GABRE: variants seen among roughly 807,000 people sequenced by gnomAD.
GABRE encodes gamma-aminobutyric acid type A receptor subunit epsilon.
In GABRE, 20 loss-of-function variants were observed where a neutral mutation model predicts 31.0. The observed-to-expected ratio is 0.64, with a 90% CI of 0.45 to 0.94. GABRE has a LOEUF of 0.94. Ranked by LOEUF, GABRE falls within the 40% of genes least tolerant of loss-of-function variation. The probability of loss-of-function intolerance (pLI) is 0.00; values close to 1 mark genes in which losing one functional copy is unlikely to be tolerated. For missense variants in GABRE, 420 were observed against 410.7 expected (o/e 1.02, Z -0.20); for synonymous variants, 155 against 150.6 (o/e 1.03, Z -0.21).
chrX:151,964,143 T>A (rs976594224), intron 3 of GABRE, among the ~76,000 whole-genome samples: 2 of 112,108 alleles, frequency 1.8e-5, no homozygotes, highest in African/African-American at 6.5e-5. Flanking sequence ...TAGAATTGTT[T>A]CCATTTATAA....
intron 6 of GABRE, chrX:151,956,649 C>T (rs1036224170): frequency 8.9e-6 from 1 of 112,172 alleles, no homozygotes; most frequent in African/African-American, 3.2e-5. Flanking sequence ...TGACCCCTAA[C>T]CCAAACTGAG....
intron 3 of GABRE, among the ~76,000 whole-genome samples, chrX:151,963,725 C>T (rs1298010023): frequency 8.9e-6 from 1 of 112,466 alleles, no homozygotes; most frequent in Non-Finnish European, 1.9e-5. Flanking sequence ...ATGAACACAA[C>T]AATGGGATAG....
intron 6 of GABRE, 159 bp from the exon 7 acceptor site, chrX:151,956,019 C>G: frequency 1.9e-6 from 1 of 515,548 alleles, no homozygotes; most frequent in Non-Finnish European, 3.1e-6. Context: ...CCAGAAGAAG[C>G]CCAGAAAAAA....
chrX:151,957,566 C>T (rs762184417), intron 6 of GABRE: 283 of 290,705 alleles, frequency 9.7e-4, no homozygotes, highest in Non-Finnish European at 1.5e-3. Flanking sequence ...TCTTGTTGCA[C>T]GAAGATTTAT....
chrX:151,974,580 G>T lies in GABRE; in HGVS notation c.46C>A (p.Leu16Ile). 1 of 1,175,946 alleles carries T rather than the reference G, an allele frequency of 8.5e-7. No homozygotes were observed. The highest frequency in any genetic ancestry group is 1.9e-5 in the South Asian group (1 of 52,673). ...LPVLLGILLI[L>I]QSRVEGPQTE... ...GGGATGGAGACTCACCTCGACTGGAGGATCAATAAGATGCCTAGGAGGACT... is the reference window on the plus strand; with the variant it reads ...GGGATGGAGACTCACCTCGACTGGATGATCAATAAGATGCCTAGGAGGACT... The change falls in exon 1 of 9, where the codon CTC becomes ATC. Residue 16 changes from leucine (L) to isoleucine (I), a missense_variant. Coordinates refer to ENST00000370328, the MANE Select transcript of GABRE (RefSeq NM_004961.4).
Position 151,954,744 on chromosome X carries a change from A to G in GABRE, c.1478T>C (p.Phe493Ser). The stretch of plus-strand genomic sequence containing the variant: ...AAGCCAGTAGAGCACATTGAAGAAG[A>G]AGAAAGTCACTGGGAAAACAACTCT... ...YSRVVFPVTF[F>S]FFNVLYWLVC... The change falls in exon 9 of 9, where the codon TTC (phenylalanine) becomes TCC (serine). Residue 493 changes from phenylalanine to serine, a missense_variant. Transcript: ENST00000370328. The G allele has an allele frequency of 8.3e-7, 1 of 1,210,051 alleles. No individual in the cohort carries two copies. Among genetic ancestry groups the G allele is most frequent in the Non-Finnish European group, 1.1e-6 (1 of 894,777 alleles).
chrX:151,973,938 G>T (rs773599300), intron 1 of GABRE, among the ~76,000 whole-genome samples: 160 of 111,170 alleles, frequency 1.4e-3, no homozygotes, highest in Non-Finnish European at 2.5e-3. Flanking sequence ...CGGTGGAGAG[G>T]GGGCATAGCT....
intron 4 of GABRE, 127 bp from the exon 5 acceptor site, chrX:151,961,492 G>C: frequency 4.3e-6 from 2 of 462,088 alleles, no homozygotes; most frequent in Non-Finnish European, 7.6e-6. Context: ...TTGAGACAGA[G>C]TCTCACTCTG....
chrX:151,973,560 A>G (rs899164526), intron 1 of GABRE, among the ~76,000 whole-genome samples: 3 of 111,301 alleles, frequency 2.7e-5, no homozygotes, highest in African/African-American at 6.5e-5. Context: ...AGAACAGACA[A>G]ACAAGACACA....
chrX:151,956,775 A>C (rs1030001756), intron 6 of GABRE: 1 of 112,124 alleles, frequency 8.9e-6, no homozygotes, highest in Non-Finnish European at 1.9e-5. Context: ...AGTCACTTGG[A>C]CATTGTGTCC....
At chrX:151,970,149 C>G (rs753181854) in intron 2 of GABRE, 36 bp downstream of exon 2, 1 of 1,207,313 alleles carries the variant, frequency 8.3e-7, no homozygotes, top group East Asian at 3.0e-5. Flanking sequence ...ACCCCTGGAC[C>G]CTCTAGGAGG....
At chrX:151,969,551 C>A in intron 3 of GABRE, 118 bp downstream of exon 3, 1 of 719,580 alleles carries the variant, frequency 1.4e-6, no homozygotes, top group Non-Finnish European at 1.9e-6. Flanking sequence ...TTTCTCCCTC[C>A]AGAAAATAAA....
At position 151,957,419 on chromosome X, in the gene GABRE, G is replaced by A. The variant is rs763413169; in HGVS notation, c.785-1559C>T. The A allele has an allele frequency of 5.5e-4, 179 of 327,707 alleles. No homozygotes were observed. The Middle Eastern group carries it at 6.6e-3, about 12-fold the overall frequency. 27.0% of individuals were successfully genotyped at this position (327,707 alleles called of 1,213,427 possible). ...AGAACTCCTCCAGAGCTGCTGCACG[G>A]ACCACCCTCGCACTTGCCTACTGGC... On this transcript the variant is annotated intron_variant, in intron 6 of 8. Transcript: ENST00000370328.
rs773347711 is a variant in GABRE at position 151,955,086 on chromosome X, T to C, written c.1138-2A>G. On this transcript the variant is annotated splice_acceptor_variant, in intron 8 of 8. Coordinates refer to ENST00000370328, the MANE Select transcript of GABRE (RefSeq NM_004961.4). LOFTEE classifies it high-confidence loss of function. Reference sequence around the variant, plus strand: ...ATGGGCACGGCTATTGATACGAGGCTAAAATGGACAAGGAAAGAAGTGGGG... The same window carrying C: ...ATGGGCACGGCTATTGATACGAGGCCAAAATGGACAAGGAAAGAAGTGGGG... 1.7e-6 allele frequency: 2 copies of C among 1,200,871 alleles called. No homozygotes were observed. Among genetic ancestry groups the C allele is most frequent in the Non-Finnish European group, 2.2e-6 (2 of 890,270 alleles).
At chrX:151,966,875 G>A (rs960708679) in intron 3 of GABRE, among the ~76,000 whole-genome samples, 16 of 112,024 alleles carry the variant, frequency 1.4e-4, no homozygotes, top group Non-Finnish European at 2.6e-4. Context: ...TAGGTTTGGT[G>A]ACTGCTGGGT....
chrX:151,970,554 G>T lies in GABRE; in HGVS notation c.57-152C>A, dbSNP rs149688986. On this transcript the variant is annotated intron_variant, in intron 1 of 8. Coordinates refer to ENST00000370328, the MANE Select transcript of GABRE (RefSeq NM_004961.4). The stretch of plus-strand genomic sequence containing the variant: ...AATAGCAAATTATAAGACAGTGACA[G>T]ATTAGGCTTGTGAATTTCTTTTAAA... The T allele has an allele frequency of 9.0e-5, 54 of 599,546 alleles. No individual in the cohort carries two copies. The East Asian group carries it at 1.9e-3, about 21-fold the overall frequency. 49.4% of individuals were successfully genotyped at this position (599,546 alleles called of 1,213,427 possible).
intron 3 of GABRE, among the ~76,000 whole-genome samples, chrX:151,968,105 CT>C (rs980916115): frequency 1.8e-5 from 2 of 112,843 alleles, no homozygotes; most frequent in African/African-American, 6.4e-5. Flanking sequence ...ATATTGTGAG[CT>C]ACCCTGTGGA....
intron 6 of GABRE, chrX:151,959,351 A>G (rs753310945): frequency 7.9e-5 from 19 of 241,406 alleles, no homozygotes; most frequent in Non-Finnish European, 1.4e-4. Flanking sequence ...TGCAGCAGCC[A>G]GTGTAGCTGC....
At chrX:151,962,052 C>T in intron 4 of GABRE, among the ~76,000 whole-genome samples, 1 of 111,551 alleles carries the variant, frequency 9.0e-6, no homozygotes, top group Non-Finnish European at 1.9e-5. Flanking sequence ...CACTACCGTG[C>T]TGCTGCTCTG....
Sources: allele counts gnomAD v4.1 joint callset (sites outside exome capture counted in the v4.1 genomes callset), GRCh38; gene constraint gnomAD v4.1.1; transcripts MANE v1.5; gene names NCBI Gene and HGNC (gene_info 2026-07-23, HGNC 2026-07-21).